IFT88: variants seen among roughly 807,000 people sequenced by gnomAD.
IFT88 encodes the protein intraflagellar transport protein 88 homolog.
A neutral mutation model predicts 119.5 loss-of-function variants in IFT88; 74 were observed. The ratio of observed to expected loss-of-function variants is 0.62; its 90% CI spans 0.51 to 0.75. The LOEUF is 0.75. IFT88 is among the 30% of genes least tolerant of loss of function. The pLI is 0.00. For synonymous variants in IFT88, 279 were observed against 316.7 expected (o/e 0.88, Z 1.26); for missense variants, 961 against 977.7 (o/e 0.98, Z 0.23).
At chr13:20,573,639 G>A (rs1315799406) in intron 1 of IFT88, among the ~76,000 whole-genome samples, 2 of 152,196 alleles carry the variant, frequency 1.3e-5, no homozygotes, top group African/African-American at 4.8e-5. Flanking sequence ...TTCTCCCAAA[G>A]TGTATCATTT....
At chr13:20,626,311 C>T (rs1039792696) in intron 15 of IFT88, among the ~76,000 whole-genome samples, 2 of 152,058 alleles carry the variant, frequency 1.3e-5, no homozygotes, top group South Asian at 2.1e-4. Context: ...CCGCCCGCCT[C>T]GGCCTCCCAA....
intron 1 of IFT88, 87 bp downstream of exon 1, chr13:20,567,343 G>A (rs11618165): frequency 0.43 from 65,257 of 152,272 alleles, 15,041 homozygotes; most frequent in Non-Finnish European, 0.52. Flanking sequence ...CCCGCCGAGG[G>A]CCTCTTCGCC....
chr13:20,643,539 A>G lies in IFT88; in HGVS notation c.1767A>G (p.Leu589=), dbSNP rs140243413. 3.7e-6 allele frequency: 6 copies of G among 1,611,190 alleles called. No individual in the cohort carries two copies. The African/African-American group carries it at 5.3e-5, about 14-fold the overall frequency. Residue 589 remains leucine, a synonymous_variant, in exon 19 of 26, where the codon TTA becomes TTG. Coordinates refer to ENST00000351808, the MANE Select transcript of IFT88 (RefSeq NM_006531.5). ...TTATTCCAACCGATCCTCAAGTTTT[A>G]TCTAAGCTAGGAGAATTATATGATC... ...VSVIPTDPQV[L]SKLGELYDRE... is the part of the protein sequence containing the mutation.
At chr13:20,607,734 C>T (rs991528549) in intron 13 of IFT88, 6 of 756,428 alleles carry the variant, frequency 7.9e-6, no homozygotes, top group East Asian at 5.0e-5. Context: ...TGGCTGTCAG[C>T]GGCTTCTGTA....
chr13:20,650,411 A>G (rs569877326), intron 20 of IFT88, among the ~76,000 whole-genome samples: 1 of 152,320 alleles, frequency 6.6e-6, no homozygotes, highest in African/African-American at 2.4e-5. Flanking sequence ...GCGTATGACA[A>G]AATTCAACAC....
At chr13:20,579,823 T>C (rs747655729) in intron 2 of IFT88, among the ~76,000 whole-genome samples, 7 of 152,224 alleles carry the variant, frequency 4.6e-5, no homozygotes, top group Non-Finnish European at 1.0e-4. Flanking sequence ...TACCTGGTTA[T>C]TGCTGCTGAT....
At chr13:20,607,936 T>C (rs771457043) in intron 13 of IFT88, 1 of 650,592 alleles carries the variant, frequency 1.5e-6, no homozygotes, top group Non-Finnish European at 2.9e-6. Context: ...CAAGACCAAG[T>C]AAGATGCAAA....
At chr13:20,688,799 T>A (rs1348517252) in intron 24 of IFT88, among the ~76,000 whole-genome samples, 1 of 152,148 alleles carries the variant, frequency 6.6e-6, no homozygotes, top group Non-Finnish European at 1.5e-5. Context: ...CTGTCATAGC[T>A]CATTGCAGCA....
At chr13:20,596,755 T>C (rs560710276) in intron 8 of IFT88, among the ~76,000 whole-genome samples, 12 of 152,346 alleles carry the variant, frequency 7.9e-5, no homozygotes, top group African/African-American at 2.2e-4. Flanking sequence ...CTGTGAGTTA[T>C]TGGATTAATG....
chr13:20,664,079 T>C (rs1298560744), intron 23 of IFT88, among the ~76,000 whole-genome samples: 1 of 152,206 alleles, frequency 6.6e-6, no homozygotes, highest in Non-Finnish European at 1.5e-5. Context: ...CAACTCAGGA[T>C]ATAGAAGCTA....
chr13:20,651,642 TGA>T (rs2051717781), intron 20 of IFT88, among the ~76,000 whole-genome samples: 1 of 151,824 alleles, frequency 6.6e-6, no homozygotes, highest in African/African-American at 2.4e-5. Context: ...TAAGACATTT[TGA>T]GAGAGACAGA....
rs538835572 is a variant in IFT88 at position 20,664,551 on chromosome 13, G to A, written c.2175+947G>A. Among the ~76,000 whole-genome samples the A allele has an allele frequency of 2.6e-5, 4 of 152,272 alleles. No individual in the cohort carries two copies. The East Asian group carries it at 7.7e-4, about 29-fold the overall frequency. On this transcript the variant is annotated intron_variant, in intron 23 of 25. Transcript: ENST00000351808. Reference sequence around the variant, plus strand: ...GCCCCTGGAAACTGTAAGCCATGTAGCAGTGCTGTTTTTTAAAAGATGTTT... The same window carrying A: ...GCCCCTGGAAACTGTAAGCCATGTAACAGTGCTGTTTTTTAAAAGATGTTT...
chr13:20,680,475 C>G (rs987947116), intron 24 of IFT88, among the ~76,000 whole-genome samples: 1 of 152,180 alleles, frequency 6.6e-6, no homozygotes, highest in African/African-American at 2.4e-5. Context: ...GTATAATTGT[C>G]TTTTGTTTCA....
At chr13:20,670,140 T>G (rs1000429862) in intron 23 of IFT88, among the ~76,000 whole-genome samples, 1 of 152,242 alleles carries the variant, frequency 6.6e-6, no homozygotes, top group African/African-American at 2.4e-5. Context: ...GAAATTATGT[T>G]TATGTCTTAT....
Position 20,625,970 on chromosome 13 carries a change from T to C in IFT88, c.1299+121T>C, listed in dbSNP as rs538217712. 9.2e-6 allele frequency: 4 copies of C among 434,088 alleles called. 1 individual carries two copies. In the South Asian group the frequency reaches 2.4e-4, roughly 26 times the overall value. 26.9% of individuals were successfully genotyped at this position (434,088 alleles called of 1,614,324 possible). A position where few individuals can be genotyped will look rare whatever the true frequency, so the allele number is the denominator to read the frequency against. ...GATTATTCTGAAGTTGAATAATATTTTTATTTCTATTTTATGTTAATTTTC... is the reference window on the plus strand; with the variant it reads ...GATTATTCTGAAGTTGAATAATATTCTTATTTCTATTTTATGTTAATTTTC... On this transcript the variant is annotated intron_variant, in intron 15 of 25. Transcript: ENST00000351808.
chr13:20,645,732 T>C (rs2050647033), intron 20 of IFT88, among the ~76,000 whole-genome samples: 1 of 152,222 alleles, frequency 6.6e-6, no homozygotes, highest in African/African-American at 2.4e-5. Context: ...TCAAAAATAA[T>C]TGGAATACAT....
rs878910147 is a variant in IFT88, at chr13:20,596,919, A to G, written c.490-96A>G. ...GGTGTCTTGAGGAATCTGAGGATAG[A>G]AAATGAATTCATCCAACCTTCATGT... On this transcript the variant is annotated intron_variant, in intron 8 of 25. Coordinates refer to ENST00000351808, the MANE Select transcript of IFT88 (RefSeq NM_006531.5). 4.7e-6 allele frequency: 3 copies of G among 644,472 alleles called. No homozygotes were observed. In the South Asian group the frequency reaches 7.3e-5, roughly 16 times the overall value. The allele number at this position is 644,472 out of a possible 1,614,324, so 39.9% of individuals were successfully genotyped here. A position where few individuals can be genotyped will look rare whatever the true frequency, so the allele number is the denominator to read the frequency against.
At chr13:20,684,911 CGAGACCAGCTCGGTCGT>C (rs1238676927) in intron 24 of IFT88, among the ~76,000 whole-genome samples, 3 of 152,196 alleles carry the variant, frequency 2.0e-5, no homozygotes, top group Non-Finnish European at 2.9e-5. Context: ...CACCGCTTGC[CGAGACCAGCTCGGTCGT>C]GGAGACCCTA....
At chr13:20,685,984 C>T (rs1192118165) in intron 24 of IFT88, among the ~76,000 whole-genome samples, 1 of 152,176 alleles carries the variant, frequency 6.6e-6, no homozygotes, top group Non-Finnish European at 1.5e-5. Flanking sequence ...ATGGTAGAAA[C>T]ATTGGGAATA....
Sources: allele counts gnomAD v4.1 joint callset (sites outside exome capture counted in the v4.1 genomes callset), GRCh38; gene constraint gnomAD v4.1.1; transcripts MANE v1.5; gene names NCBI Gene and HGNC (gene_info 2026-07-23, HGNC 2026-07-21).